The following XKR3 variants were observed in gnomAD, a reference collection of about 807,000 sequenced individuals.
XKR3 encodes the protein XK related 3.
A neutral mutation model predicts 40.3 loss-of-function variants in XKR3; 27 were observed. The ratio of observed to expected loss-of-function variants is 0.67; its 90% CI spans 0.49 to 0.92. The LOEUF (loss-of-function observed/expected upper bound fraction) is 0.92, where lower values mean the gene tolerates loss of function less well. Among genes scored for constraint, XKR3 ranks in the 40% least tolerant of loss-of-function variants. The pLI, the probability that XKR3 is intolerant of heterozygous loss-of-function variation, is 0.00. For synonymous variants in XKR3, 193 were observed against 195.4 expected (o/e 0.99, Z 0.10); for missense variants, 472 against 537.6 (o/e 0.88, Z 1.21).
intron 2 of XKR3, among the ~76,000 whole-genome samples, chr22:16,801,810 ATTTT>A (rs1181868798): frequency 6.6e-6 from 1 of 152,144 alleles, no homozygotes; most frequent in Admixed American, 6.5e-5. Flanking sequence ...GCAAAATATT[ATTTT>A]GTCAGAAAAC....
chr22:16,789,145 A>C (rs1348365775), intron 3 of XKR3, among the ~76,000 whole-genome samples: 10 of 152,298 alleles, frequency 6.6e-5, no homozygotes. Flanking sequence ...GCTTATATTA[A>C]CATAATCCTG....
intron 3 of XKR3, among the ~76,000 whole-genome samples, chr22:16,792,948 C>A (rs183736011): frequency 2.2e-4 from 34 of 152,280 alleles, no homozygotes; most frequent in African/African-American, 7.5e-4. Flanking sequence ...TTCCTATTCA[C>A]GTATACTTGA....
rs2060081185 is a variant in XKR3 at position 16,784,383 on chromosome 22, A to G, written c.616T>C (p.Ser206Pro). The change falls in exon 4 of 4, where the codon TCA (serine) becomes CCA (proline). Residue 206 changes from serine (S) to proline (P), a missense_variant. Transcript: ENST00000684488. The part of the protein sequence containing the change: ...RALLMTFSLL[S>P]VTYGAIRCNI... ...CAGCGAATGGCCCCATAAGTAACTG[A>G]TAACAGGGAAAATGTCATCAGCAAT... is the stretch of plus-strand genomic sequence containing the variant. The G allele has an allele frequency of 6.2e-7, 1 of 1,601,760 alleles. No homozygotes were observed.
chr22:16,811,730 C>T (rs753294872), intron 1 of XKR3, among the ~76,000 whole-genome samples: 12 of 152,096 alleles, frequency 7.9e-5, no homozygotes, highest in African/African-American at 2.4e-4. Context: ...TTAATATGGC[C>T]GGGCACGGTG....
chr22:16,810,912 T>A (rs1217219179), intron 1 of XKR3, among the ~76,000 whole-genome samples: 1 of 152,186 alleles, frequency 6.6e-6, no homozygotes, highest in African/African-American at 2.4e-5. Context: ...TCCTTTGAGT[T>A]TATATTATGC....
chr22:16,807,929 C>G lies in XKR3; in HGVS notation c.145G>C (p.Ala49Pro). 1.2e-6 allele frequency: 2 copies of G among 1,614,014 alleles called. No homozygotes were observed. The highest frequency in any genetic ancestry group is 1.7e-6 in the Non-Finnish European group (2 of 1,179,942). Residue 49 changes from alanine to proline, a missense_variant, in exon 2 of 4, where the codon GCC becomes CCC. Physicochemically the swap from Ala to Pro is conservative, Grantham distance 27. Coordinates refer to ENST00000684488, the MANE Select transcript of XKR3 (RefSeq NM_001386955.1). ...ATTTCAAACATGTATAAACCAAAGGCAACCTCACCACAGTAGAGAACAGTT... is the reference window on the plus strand; with the variant it reads ...ATTTCAAACATGTATAAACCAAAGGGAACCTCACCACAGTAGAGAACAGTT... ...FSTVLYCGEV[A>P]FGLYMFEIYR...
Position 16,805,337 on chromosome 22 carries a change from A to G in XKR3, c.335+2402T>C, listed in dbSNP as rs979783477. ...TTAAAAACCTTATTTATAATAACCT[A>G]AAAAAGAAAATATTCAGAAATAACT... is the stretch of plus-strand genomic sequence containing the variant. On this transcript the variant is annotated intron_variant, in intron 2 of 3. Transcript: ENST00000684488. Among the ~76,000 whole-genome samples the G allele has an allele frequency of 2.0e-4, 31 of 152,218 alleles. 1 individual carries two copies. The highest frequency in any genetic ancestry group is 6.8e-4 in the African/African-American group (28 of 41,442).
At chr22:16,815,073 T>C (rs1404658334) in intron 1 of XKR3, among the ~76,000 whole-genome samples, 1 of 152,044 alleles carries the variant, frequency 6.6e-6, no homozygotes, top group Non-Finnish European at 1.5e-5. Flanking sequence ...TTGCATTAAG[T>C]TTCATGTTAG....
At chr22:16,813,314 C>A (rs112042961) in intron 1 of XKR3, among the ~76,000 whole-genome samples, 9,717 of 150,044 alleles carry the variant, frequency 0.065, 834 homozygotes, top group African/African-American at 0.2. Flanking sequence ...AACAAACAAA[C>A]AAAAAAAAAC....
In XKR3 at chr22:16,808,374, T is replaced by C. The variant is rs1235996958; in HGVS notation, c.-10-291A>G. 4.6e-5 allele frequency among the ~76,000 whole-genome samples: 7 copies of C among 152,186 alleles called. No homozygotes were observed. In the East Asian group the frequency reaches 1.2e-3, roughly 25 times the overall value. On this transcript the variant is annotated intron_variant, in intron 1 of 3. Coordinates refer to ENST00000684488, the MANE Select transcript of XKR3 (RefSeq NM_001386955.1). Reference sequence around the variant, plus strand: ...CTGAGATGATAGTCCTATCTCCAAGTAGTATGAAAGAAATGTTCATTACTC... The same window carrying C: ...CTGAGATGATAGTCCTATCTCCAAGCAGTATGAAAGAAATGTTCATTACTC...
intron 1 of XKR3, among the ~76,000 whole-genome samples, chr22:16,811,283 G>A (rs2060211630): frequency 6.6e-6 from 1 of 151,870 alleles, no homozygotes; most frequent in South Asian, 2.1e-4. Flanking sequence ...CACCCGACCT[G>A]ACTACTTTTT....
intron 3 of XKR3, among the ~76,000 whole-genome samples, chr22:16,788,499 C>T (rs765821991): frequency 3.9e-5 from 6 of 151,912 alleles, no homozygotes; most frequent in Non-Finnish European, 5.9e-5. Flanking sequence ...TAAAAAGTTA[C>T]CCATTAAAGA....
intron 1 of XKR3, among the ~76,000 whole-genome samples, chr22:16,815,500 C>G (rs1232662286): frequency 6.6e-6 from 1 of 151,904 alleles, no homozygotes; most frequent in African/African-American, 2.4e-5. Flanking sequence ...TATTGGTTAC[C>G]TTTAACCATA....
intron 1 of XKR3, among the ~76,000 whole-genome samples, chr22:16,813,647 A>C (rs1461291843): frequency 1.3e-5 from 2 of 152,200 alleles, no homozygotes; most frequent in African/African-American, 4.8e-5. Flanking sequence ...TTATATTGTG[A>C]ATAATGCTAC....
chr22:16,796,068 T>C (rs1240640413), intron 3 of XKR3, among the ~76,000 whole-genome samples: 1 of 152,094 alleles, frequency 6.6e-6, no homozygotes, highest in East Asian at 1.9e-4. Flanking sequence ...GAGACAACTA[T>C]GAACAACTCT....
chr22:16,791,994 T>G (rs1254436731), intron 3 of XKR3, among the ~76,000 whole-genome samples: 1 of 151,966 alleles, frequency 6.6e-6, no homozygotes, highest in Non-Finnish European at 1.5e-5. Flanking sequence ...CAGGCTGGAG[T>G]GCAATGGCAC....
intron 3 of XKR3, among the ~76,000 whole-genome samples, chr22:16,795,440 T>C (rs2146150154): frequency 6.6e-6 from 1 of 152,222 alleles, no homozygotes; most frequent in African/African-American, 2.4e-5. Context: ...TAAAATGCCT[T>C]CATCAAGAAG....
chr22:16,808,528 T>C (rs1337679033), intron 1 of XKR3, among the ~76,000 whole-genome samples: 1 of 152,222 alleles, frequency 6.6e-6, no homozygotes, highest in Non-Finnish European at 1.5e-5. Flanking sequence ...TCCTGATTAG[T>C]AAAGGAATAC....
chr22:16,814,605 G>T (rs150252588), intron 1 of XKR3, among the ~76,000 whole-genome samples: 1 of 151,966 alleles, frequency 6.6e-6, no homozygotes, highest in Non-Finnish European at 1.5e-5. Flanking sequence ...ATGAATATTG[G>T]ATATCTTTCC....
Sources: allele counts gnomAD v4.1 joint callset (sites outside exome capture counted in the v4.1 genomes callset), GRCh38; gene constraint gnomAD v4.1.1; transcripts MANE v1.5; gene names NCBI Gene and HGNC (gene_info 2026-07-23, HGNC 2026-07-21).